The following KCNQ3 variants were observed in gnomAD, a reference collection of about 807,000 sequenced individuals.
The protein encoded by KCNQ3 is potassium voltage-gated channel subfamily Q member 3.
KCNQ3 carries 30 observed loss-of-function variants against 92.5 expected under a neutral mutation model. The ratio of observed to expected loss-of-function variants is 0.32; its 90% CI spans 0.24 to 0.44. The LOEUF (loss-of-function observed/expected upper bound fraction) is 0.44, where lower values mean the gene tolerates loss of function less well. Ranked by LOEUF, KCNQ3 falls within the 20% of genes least tolerant of loss-of-function variation. KCNQ3 has a pLI of 1.00. For synonymous variants in KCNQ3, 450 were observed against 468.8 expected, an observed-to-expected ratio of 0.96 and a Z score of 0.52; for missense variants, 913 against 1,140.3, an observed-to-expected ratio of 0.80 and a Z score of 2.87.
chr8:132,383,196 T>C (rs1819798556), intron 1 of KCNQ3, among the ~76,000 whole-genome samples: 1 of 152,030 alleles, frequency 6.6e-6, no homozygotes, highest in Non-Finnish European at 1.5e-5. Context: ...CCCACCCCAA[T>C]GAAGATCCAA....
intron 1 of KCNQ3, among the ~76,000 whole-genome samples, chr8:132,471,567 C>T (rs1175043911): frequency 2.0e-5 from 3 of 152,134 alleles, no homozygotes; most frequent in Non-Finnish European, 2.9e-5. Flanking sequence ...TTAAATTTCA[C>T]AACAATGCAG....
intron 9 of KCNQ3, among the ~76,000 whole-genome samples, chr8:132,158,061 T>C (rs898524099): frequency 3.3e-5 from 5 of 152,186 alleles, no homozygotes; most frequent in Admixed American, 3.3e-4. Flanking sequence ...CTTCAGGACA[T>C]ATCTGGGATC....
chr8:132,276,299 G>C (rs1485834797), intron 1 of KCNQ3, among the ~76,000 whole-genome samples: 1 of 152,172 alleles, frequency 6.6e-6, no homozygotes, highest in East Asian at 1.9e-4. Flanking sequence ...ACCCTTTGTG[G>C]GTTTTACAGA....
At chr8:132,467,080 G>C (rs758681926) in intron 1 of KCNQ3, among the ~76,000 whole-genome samples, 8 of 152,142 alleles carry the variant, frequency 5.3e-5, no homozygotes, top group Non-Finnish European at 1.0e-4. Context: ...AAATAACCTG[G>C]AAGGCAGGGA....
intron 1 of KCNQ3, among the ~76,000 whole-genome samples, chr8:132,349,683 C>A (rs1415425417): frequency 6.6e-6 from 1 of 152,228 alleles, no homozygotes; most frequent in East Asian, 1.9e-4. Context: ...AGGAGACCTG[C>A]AGAGCAGACC....
At chr8:132,193,961 C>T (rs1004401598) in intron 1 of KCNQ3, among the ~76,000 whole-genome samples, 42 of 152,176 alleles carry the variant, frequency 2.8e-4, no homozygotes, top group African/African-American at 9.9e-4. Context: ...CTTCCCTTCT[C>T]TTCCTCTGGA....
intron 1 of KCNQ3, among the ~76,000 whole-genome samples, chr8:132,308,385 C>T (rs1817493907): frequency 6.6e-6 from 1 of 152,108 alleles, no homozygotes; most frequent in South Asian, 2.1e-4. Flanking sequence ...GGATGGAGGG[C>T]AGGGGGAGCC....
At chr8:132,291,290 T>C (rs1816827701) in intron 1 of KCNQ3, among the ~76,000 whole-genome samples, 1 of 152,190 alleles carries the variant, frequency 6.6e-6, no homozygotes, top group Non-Finnish European at 1.5e-5. Context: ...CCCTTTTGGA[T>C]ACTGACAGAG....
rs548539737 is a variant in KCNQ3 at position 132,453,350 on chromosome 8, G to A, written c.386+26797C>T. The stretch of plus-strand genomic sequence containing the variant: ...CTGGAAAAAGACAACTCTGGCTGCC[G>A]GTTGGAGAATGGATGGGTAAGAGCA... On this transcript the variant is annotated intron_variant, in intron 1 of 14. Transcript: ENST00000388996. Among the ~76,000 whole-genome samples the A allele has an allele frequency of 7.2e-5, 11 of 152,320 alleles. No individual in the cohort carries two copies. In the South Asian group the frequency reaches 1.7e-3, roughly 23 times the overall value.
intron 1 of KCNQ3, among the ~76,000 whole-genome samples, chr8:132,215,211 A>G (rs1457307634): frequency 6.6e-6 from 1 of 152,234 alleles, no homozygotes; most frequent in Non-Finnish European, 1.5e-5. Flanking sequence ...CTGAAACTTA[A>G]TTCCATCACC....
rs112533675 is a variant in KCNQ3, at chr8:132,347,964, G to A, written c.386+132183C>T. 1.7e-3 allele frequency among the ~76,000 whole-genome samples: 236 copies of A among 135,612 alleles called. 4 individuals are homozygous for A. Among genetic ancestry groups the A allele is most frequent in the African/African-American group, 6.1e-3 (217 of 35,592 alleles). The allele number at this position is 135,612 out of a possible 152,430, so 89.0% of individuals were successfully genotyped here. ...TGCACTTCAGCCTGGGCGACAGAGC[G>A]AGAGACTCCATCTAAAAAAAAAAAA... On this transcript the variant is annotated intron_variant, in intron 1 of 14. Transcript: ENST00000388996.
At chr8:132,333,114 G>C (rs144399741) in intron 1 of KCNQ3, among the ~76,000 whole-genome samples, 31 of 152,254 alleles carry the variant, frequency 2.0e-4, no homozygotes, top group African/African-American at 7.2e-4. Flanking sequence ...GGTTCCATTG[G>C]CATTCATCCT....
At chr8:132,333,884 C>A (rs1818296639) in intron 1 of KCNQ3, among the ~76,000 whole-genome samples, 1 of 152,058 alleles carries the variant, frequency 6.6e-6, no homozygotes, top group Non-Finnish European at 1.5e-5. Flanking sequence ...CAGGTGCCCA[C>A]CACCATGCCC....
intron 1 of KCNQ3, among the ~76,000 whole-genome samples, chr8:132,257,226 A>G (rs948826725): frequency 2.0e-5 from 3 of 152,172 alleles, no homozygotes; most frequent in Non-Finnish European, 4.4e-5. Context: ...TCCCCAGAAA[A>G]CAACTTTAAA....
At chr8:132,268,301 C>A (rs1178873867) in intron 1 of KCNQ3, among the ~76,000 whole-genome samples, 1 of 152,156 alleles carries the variant, frequency 6.6e-6, no homozygotes, top group Non-Finnish European at 1.5e-5. Context: ...GAGATGGAGT[C>A]TCACTCAGTT....
chr8:132,171,766 G>A (rs982093225), intron 7 of KCNQ3, among the ~76,000 whole-genome samples: 15 of 152,082 alleles, frequency 9.9e-5, no homozygotes, highest in Admixed American at 7.2e-4. Flanking sequence ...TCTTCCCTAT[G>A]GGTCCCTAGG....
At chr8:132,384,290 C>A (rs1413986465) in intron 1 of KCNQ3, among the ~76,000 whole-genome samples, 2 of 152,180 alleles carry the variant, frequency 1.3e-5, no homozygotes. Flanking sequence ...AGGGACTGAG[C>A]ACCAACATAT....
intron 1 of KCNQ3, among the ~76,000 whole-genome samples, chr8:132,255,665 A>G (rs1490462182): frequency 1.3e-5 from 2 of 152,224 alleles, no homozygotes; most frequent in East Asian, 3.9e-4. Flanking sequence ...CATTAAAGTT[A>G]TGCCCTGTCA....
intron 1 of KCNQ3, among the ~76,000 whole-genome samples, chr8:132,307,890 C>T (rs1317920066): frequency 6.6e-6 from 1 of 152,148 alleles, no homozygotes; most frequent in Non-Finnish European, 1.5e-5. Context: ...CAGCTCCCCA[C>T]ACTTCCATAG....
Sources: gnomAD v4.1 joint callset for allele counts (sites outside exome capture counted in the v4.1 genomes callset) on GRCh38, gnomAD v4.1.1 for gene constraint, MANE v1.5 for transcripts, NCBI Gene and HGNC (gene_info 2026-07-23, HGNC 2026-07-21) for gene names.